The following TMCC1 variants were observed in gnomAD, a reference collection of about 807,000 sequenced individuals.
The protein encoded by TMCC1 is transmembrane and coiled-coil domains protein 1.
In TMCC1, 15 loss-of-function variants were observed where a neutral mutation model predicts 52.4. The ratio of observed to expected loss-of-function variants is 0.29; its 90% CI spans 0.19 to 0.44. The LOEUF (loss-of-function observed/expected upper bound fraction) is 0.44, where lower values mean the gene tolerates loss of function less well. TMCC1 is among the 20% of genes least tolerant of loss of function. TMCC1 has a pLI of 1.00. For synonymous variants in TMCC1, 279 were observed against 301.9 expected (o/e 0.92, Z 0.79); for missense variants, 503 against 806.0 (o/e 0.62, Z 4.55).
intron 4 of TMCC1, among the ~76,000 whole-genome samples, chr3:129,762,320 G>T (rs185200182): frequency 6.6e-6 from 1 of 152,232 alleles, no homozygotes; most frequent in Admixed American, 6.5e-5. Flanking sequence ...GGGTACAGGT[G>T]TGAGCTATTT....
At chr3:129,675,715 A>G (rs1427813651) in intron 4 of TMCC1, among the ~76,000 whole-genome samples, 2 of 152,164 alleles carry the variant, frequency 1.3e-5, no homozygotes, top group Non-Finnish European at 2.9e-5. Flanking sequence ...GTGGCTATAC[A>G]CTTGGCTAGC....
chr3:129,883,130 A>AACACAC (rs59492665), intron 1 of TMCC1, among the ~76,000 whole-genome samples: 27 of 146,792 alleles, frequency 1.8e-4, no homozygotes, highest in African/African-American at 5.2e-4. Context: ...CTCTACTAAA[A>AACACAC]ACACACACAC....
chr3:129,877,654 A>C (rs1276377298), intron 2 of TMCC1, among the ~76,000 whole-genome samples: 2 of 137,058 alleles, frequency 1.5e-5, no homozygotes, highest in African/African-American at 2.8e-5. Context: ...TGAGACAGAG[A>C]GTCTCACTCT....
In TMCC1 at chr3:129,859,639, AACACACACACATACACACACACAC is replaced by A. The variant is rs1440289518; in HGVS notation, c.-184+20646_-184+20669del. ...GCAACAGAGAGAAACCCTGTCTCAA[AACACACACACATACACACACACAC>A]ACACACACACACACACACACACATA... On this transcript the variant is annotated intron_variant, in intron 2 of 6. Coordinates refer to ENST00000393238, the MANE Select transcript of TMCC1 (RefSeq NM_001017395.5). Among the ~76,000 whole-genome samples the A allele has an allele frequency of 3.7e-5, 4 of 108,720 alleles. No homozygotes were observed. The East Asian group carries it at 8.2e-4, about 22-fold the overall frequency. 71.3% of individuals were successfully genotyped at this position (108,720 alleles called of 152,430 possible). A position where few individuals can be genotyped will look rare whatever the true frequency, so the allele number is the denominator to read the frequency against.
chr3:129,685,967 A>G (rs147539571), intron 4 of TMCC1, among the ~76,000 whole-genome samples: 117 of 152,234 alleles, frequency 7.7e-4, no homozygotes, highest in African/African-American at 2.7e-3. Context: ...AAGGCCAATC[A>G]ATTTTACTTT....
intron 4 of TMCC1, among the ~76,000 whole-genome samples, chr3:129,720,201 AAG>A (rs1303384260): frequency 6.6e-6 from 1 of 151,196 alleles, no homozygotes; most frequent in African/African-American, 2.4e-5. Flanking sequence ...AAAAAAAAAA[AAG>A]AGATGGAATG....
chr3:129,706,816 G>A (rs1037345283), intron 4 of TMCC1, among the ~76,000 whole-genome samples: 3 of 151,962 alleles, frequency 2.0e-5, no homozygotes, highest in Non-Finnish European at 2.9e-5. Flanking sequence ...TATTTTTTTA[G>A]AGACGAGGTC....
At chr3:129,781,766 G>A (rs1220548667) in intron 4 of TMCC1, among the ~76,000 whole-genome samples, 1 of 152,074 alleles carries the variant, frequency 6.6e-6, no homozygotes, top group Non-Finnish European at 1.5e-5. Flanking sequence ...AACGTCATTT[G>A]GATTAAGTTT....
intron 4 of TMCC1, chr3:129,688,277 T>A (rs1576453459): frequency 2.0e-6 from 2 of 980,908 alleles, no homozygotes; most frequent in South Asian, 9.4e-5. Flanking sequence ...AAAAAAAAAA[T>A]CACAACCTCT....
chr3:129,733,871 T>C (rs1317195227), intron 4 of TMCC1, among the ~76,000 whole-genome samples: 3 of 152,160 alleles, frequency 2.0e-5, no homozygotes, highest in African/African-American at 7.2e-5. Context: ...ACTGTGTAGA[T>C]AGCACCATTT....
At chr3:129,821,909 A>T (rs1576986410) in intron 4 of TMCC1, among the ~76,000 whole-genome samples, 1 of 152,026 alleles carries the variant, frequency 6.6e-6, no homozygotes, top group East Asian at 1.9e-4. Flanking sequence ...AAAAAAATAC[A>T]AAAATTAGCC....
At chr3:129,807,108 C>G (rs568392710) in intron 4 of TMCC1, among the ~76,000 whole-genome samples, 109 of 152,138 alleles carry the variant, frequency 7.2e-4, no homozygotes, top group Admixed American at 2.7e-3. Context: ...TTTTACAAAG[C>G]CCCCAAGCAG....
rs138962731 is a variant in TMCC1, at chr3:129,789,546, T to C, written c.576+38257A>G. Among the ~76,000 whole-genome samples, 529 of 152,330 alleles carry C rather than the reference T, an allele frequency of 3.5e-3. 4 individuals carry two copies. The highest frequency in any genetic ancestry group is 6.1e-3 in the Non-Finnish European group (415 of 68,022). ...CCCAGGCTAGAGTGCAGTGGCGCGA[T>C]CTCGGCTCACTGCAAGCTCCGCCTC... On this transcript the variant is annotated intron_variant, in intron 4 of 6. Transcript: ENST00000393238.
intron 4 of TMCC1, among the ~76,000 whole-genome samples, chr3:129,768,873 C>A (rs2107696410): frequency 6.6e-6 from 1 of 152,260 alleles, no homozygotes; most frequent in East Asian, 1.9e-4. Context: ...TATGACCTCC[C>A]TAAGGCTAAA....
intron 1 of TMCC1, among the ~76,000 whole-genome samples, chr3:129,887,179 T>C (rs1176917862): frequency 6.6e-6 from 1 of 152,024 alleles, no homozygotes; most frequent in East Asian, 1.9e-4. Flanking sequence ...CACTTAACCG[T>C]AGATTTAAAA....
chr3:129,800,387 TAGC>T (rs1295540048), intron 4 of TMCC1, among the ~76,000 whole-genome samples: 1 of 152,198 alleles, frequency 6.6e-6, no homozygotes, highest in Non-Finnish European at 1.5e-5. Context: ...ATTTACATTT[TAGC>T]AGGTATTATT....
intron 4 of TMCC1, among the ~76,000 whole-genome samples, chr3:129,801,621 C>A (rs1034285029): frequency 6.6e-6 from 1 of 152,100 alleles, no homozygotes; most frequent in African/African-American, 2.4e-5. Context: ...AACACACCTG[C>A]CTAATTTTTG....
intron 2 of TMCC1, among the ~76,000 whole-genome samples, chr3:129,870,248 T>C (rs1027860552): frequency 6.6e-6 from 1 of 152,110 alleles, no homozygotes; most frequent in African/African-American, 2.4e-5. Context: ...CATTTCATTT[T>C]TTTCTCCTCC....
chr3:129,869,285 T>C (rs1415559621), intron 2 of TMCC1, among the ~76,000 whole-genome samples: 3 of 152,142 alleles, frequency 2.0e-5, no homozygotes, highest in African/African-American at 4.8e-5. Flanking sequence ...AGAGAGGACA[T>C]GAAAGCCTCA....
Sources: gnomAD v4.1 joint callset for allele counts (sites outside exome capture counted in the v4.1 genomes callset) on GRCh38, gnomAD v4.1.1 for gene constraint, MANE v1.5 for transcripts, NCBI Gene and HGNC (gene_info 2026-07-23, HGNC 2026-07-21) for gene names.